XKR5: variants seen among roughly 807,000 people sequenced by gnomAD.
The protein encoded by XKR5 is XK-related protein 5.
Under a neutral mutation model 40.8 loss-of-function variants are expected in XKR5, and 46 were observed. That is an observed-to-expected ratio of 1.13 (90% CI 0.89 to 1.44). XKR5 has a LOEUF of 1.44. XKR5 is among the 40% of genes most tolerant of loss of function. The pLI is 0.00. For synonymous variants in XKR5, 466 were observed against 356.1 expected (o/e 1.31, Z -3.48); for missense variants, 1,169 against 844.7 (o/e 1.38, Z -4.76).
chr8:6,822,164 C>T, intron 4 of XKR5, 126 bp from the exon 5 acceptor site: 1 of 920,908 alleles, frequency 1.1e-6, no homozygotes, highest in Non-Finnish European at 1.6e-6. Context: ...GAAGAGATAT[C>T]AAAACCCAGA....
chr8:6,811,426 G>T lies in XKR5; in HGVS notation c.1833C>A (p.Cys611Ter), dbSNP rs1458068956. Residue 611 changes from cysteine (C) to a stop codon, truncating the protein, a stop_gained, in exon 7 of 7, where the codon TGC becomes TGA. Transcript: ENST00000618742. LOFTEE classifies it low-confidence loss of function (END_TRUNC). ...TTCTTCCAGGGAAGCCTGCACTGGG[G>T]CAGAAGCCTCTACATGGGCCTGTGC... ...ILGTGPCRGF[C>*]PSAGFPGRTL... The T allele has an allele frequency of 6.5e-7, 1 of 1,537,064 alleles. No individual in the cohort carries two copies. Among genetic ancestry groups the T allele is most frequent in the African/African-American group, 1.4e-5 (1 of 73,164 alleles).
intron 1 of XKR5, 33 bp downstream of exon 1, chr8:6,835,403 G>A (rs1052456870): frequency 2.1e-6 from 3 of 1,433,330 alleles, no homozygotes; most frequent in Admixed American, 2.8e-5. Flanking sequence ...AGGGGCTGCA[G>A]GGGTGAGCAC....
chr8:6,813,543 C>A (rs964089653), intron 6 of XKR5, among the ~76,000 whole-genome samples: 2 of 152,144 alleles, frequency 1.3e-5, no homozygotes, highest in Non-Finnish European at 2.9e-5. Flanking sequence ...AGGGGAGGAG[C>A]CTGGATGCAA....
intron 5 of XKR5, among the ~76,000 whole-genome samples, chr8:6,818,214 C>T (rs549162054): frequency 2.0e-5 from 3 of 152,218 alleles, no homozygotes; most frequent in Non-Finnish European, 4.4e-5. Flanking sequence ...CAGGGTCTTT[C>T]CATTACTTCC....
At chr8:6,830,400 A>G (rs962135734) in intron 2 of XKR5, among the ~76,000 whole-genome samples, 1 of 152,206 alleles carries the variant, frequency 6.6e-6, no homozygotes, top group Non-Finnish European at 1.5e-5. Flanking sequence ...GAATGGATCC[A>G]CTGCTGTCTA....
chr8:6,831,498 G>A (rs1215186576), intron 2 of XKR5, among the ~76,000 whole-genome samples: 14 of 152,254 alleles, frequency 9.2e-5, no homozygotes, highest in Non-Finnish European at 1.0e-4. Flanking sequence ...TGGGCGGGAC[G>A]GCACCATTCC....
rs1161498871 is a variant in XKR5, at chr8:6,810,628, A to G, written c.*570T>C. ...CTACCCTTCCTTTTTAAAAGCTCTA[A>G]TATTGTCCCCTAACCAAAAGATATG... On this transcript the variant is annotated 3_prime_UTR_variant, in exon 7 of 7. Transcript: ENST00000618742. 6.6e-6 allele frequency: 1 copy of G among 152,466 alleles called. No individual in the cohort carries two copies. Among genetic ancestry groups the G allele is most frequent in the Admixed American group, 6.5e-5 (1 of 15,304 alleles). 9.4% of individuals were successfully genotyped at this position (152,466 alleles called of 1,614,324 possible). A position where few individuals can be genotyped will look rare whatever the true frequency, so the allele number is the denominator to read the frequency against.
intron 2 of XKR5, among the ~76,000 whole-genome samples, chr8:6,830,256 G>A (rs2117117508): frequency 6.6e-6 from 1 of 152,186 alleles, no homozygotes; most frequent in East Asian, 1.9e-4. Flanking sequence ...TCAAAATTGT[G>A]CCAAACGCAA....
rs932933005 is a variant in XKR5 at position 6,823,763 on chromosome 8, T to A, written c.428-33A>T. On this transcript the variant is annotated intron_variant, in intron 3 of 6. Coordinates refer to ENST00000618742, the MANE Select transcript of XKR5 (RefSeq NM_207411.5). ...GGAAGCAGAAAGATGTGGTATGCTC[T>A]GAAGATTCCGAAGTAACAGTACCTT... The A allele has an allele frequency of 5.3e-6, 8 of 1,514,104 alleles. No individual in the cohort carries two copies. The African/African-American group carries it at 1.1e-4, about 21-fold the overall frequency. The allele number at this position is 1,514,104 out of a possible 1,614,324, so 93.8% of individuals were successfully genotyped here.
At chr8:6,829,085 T>G (rs906666386) in intron 2 of XKR5, 1 of 153,618 alleles carries the variant, frequency 6.5e-6, no homozygotes, top group Non-Finnish European at 1.5e-5. Context: ...GAGGCAGGAC[T>G]GGGCCCTCCA....
At chr8:6,829,541 A>C (rs188476334) in intron 2 of XKR5, among the ~76,000 whole-genome samples, 1 of 152,144 alleles carries the variant, frequency 6.6e-6, no homozygotes, top group East Asian at 1.9e-4. Flanking sequence ...TTTGAGATTG[A>C]GTCTCATTCT....
chr8:6,825,375 C>T, intron 2 of XKR5, 26 bp from the exon 3 acceptor site: 2 of 1,499,872 alleles, frequency 1.3e-6, no homozygotes, highest in Admixed American at 2.7e-5. Flanking sequence ...GGGCACGTGA[C>T]ACGGAGCCAG....
In XKR5 at chr8:6,811,571, A is replaced by T; in HGVS notation, c.1688T>A (p.Leu563Gln). ...SSQQEGSPAT[L>Q]QTAHSGRRLG... is the part of the protein sequence containing the mutation. ...CCTCCTTCCAGAGTGGGCCGTTTGC[A>T]GAGTAGCTGGGCTGCCTTCTTGTTG... The change falls in exon 7 of 7, where the codon CTG (leucine) becomes CAG (glutamine). Residue 563 changes from leucine (L) to glutamine (Q), a missense_variant. Leu to Gln is a moderately radical substitution (Grantham distance 113, BLOSUM62 -2). Coordinates refer to ENST00000618742, the MANE Select transcript of XKR5 (RefSeq NM_207411.5). 1 of 1,537,008 alleles carries T rather than the reference A, an allele frequency of 6.5e-7. No homozygotes were observed. Among genetic ancestry groups the T allele is most frequent in the Non-Finnish European group, 8.7e-7 (1 of 1,146,738 alleles).
intron 2 of XKR5, among the ~76,000 whole-genome samples, chr8:6,827,731 CTTTG>C (rs1355501689): frequency 5.9e-5 from 9 of 152,264 alleles, no homozygotes; most frequent in African/African-American, 2.2e-4. Flanking sequence ...TTCCAGAAAG[CTTTG>C]TTTGTTCAAC....
chr8:6,821,535 G>C (rs577257093), intron 5 of XKR5, among the ~76,000 whole-genome samples: 1 of 152,192 alleles, frequency 6.6e-6, no homozygotes, highest in Non-Finnish European at 1.5e-5. Flanking sequence ...AAATGGAGTT[G>C]ATTAACAGAG....
At position 6,811,454 on chromosome 8, in the gene XKR5, A is replaced by C. The variant is rs748056925; in HGVS notation, c.1805T>G (p.Leu602Arg). Reference sequence around the variant, plus strand: ...GAAGCCTCTACATGGGCCTGTGCCTAGGATGGGGCTAATGTCGGCCATGGT... The same window carrying C: ...GAAGCCTCTACATGGGCCTGTGCCTCGGATGGGGCTAATGTCGGCCATGGT... Reference protein sequence around the residue: ...PDTMADISPILGTGPCRGFCP... With the variant: ...PDTMADISPIRGTGPCRGFCP... The change falls in exon 7 of 7, where the codon CTA becomes CGA. Residue 602 changes from leucine (L) to arginine (R), a missense_variant. Physicochemically the swap from Leu to Arg is moderately radical, Grantham distance 102 (BLOSUM62 -2). Transcript: ENST00000618742. 61 of 1,534,718 alleles carry C rather than the reference A, an allele frequency of 4.0e-5. No homozygotes were observed. The highest frequency in any genetic ancestry group is 5.1e-5 in the Non-Finnish European group (58 of 1,145,566).
rs199898608 is a variant in XKR5, at chr8:6,825,226, C to T, written c.366G>A (p.Gly122=). The change falls in exon 3 of 7, where the codon GGG becomes GGA. Residue 122 remains glycine, a synonymous_variant. Transcript: ENST00000618742. The stretch of plus-strand genomic sequence containing the variant: ...CATATGTCTGAAGCAGCAGGTGGGG[C>T]CCAGTCTGCAGCAGGGCCTCCAAGA... ...LRLLEALLQT[G]PHLLLQTYVF... 1.3e-4 allele frequency: 205 copies of T among 1,612,884 alleles called. No homozygotes were observed. The highest frequency in any genetic ancestry group is 3.3e-5 in the Admixed American group (2 of 59,828).
At chr8:6,831,819 T>C (rs748535257) in intron 2 of XKR5, among the ~76,000 whole-genome samples, 1 of 151,958 alleles carries the variant, frequency 6.6e-6, no homozygotes, top group African/African-American at 2.4e-5. Flanking sequence ...ACCGAGACGA[T>C]GCTGGCTAAC....
chr8:6,825,040 G>C lies in XKR5; in HGVS notation c.427+125C>G. On this transcript the variant is annotated intron_variant, in intron 3 of 6. Transcript: ENST00000618742. The stretch of plus-strand genomic sequence containing the variant: ...TTTTAAGCATCATCTGTGCCAGTGA[G>C]CTCAAGGTGCCCTAATGCTCCTAAG... The C allele has an allele frequency of 5.3e-6, 6 of 1,125,936 alleles. No homozygotes were observed. The South Asian group carries it at 7.5e-5, about 14-fold the overall frequency. The allele number at this position is 1,125,936 out of a possible 1,614,324, so 69.7% of individuals were successfully genotyped here.
Sources: allele counts gnomAD v4.1 joint callset (sites outside exome capture counted in the v4.1 genomes callset), GRCh38; gene constraint gnomAD v4.1.1; transcripts MANE v1.5; gene names NCBI Gene and HGNC (gene_info 2026-07-23, HGNC 2026-07-21).